The following KIF2A variants were observed in gnomAD, a reference collection of about 807,000 sequenced individuals.
The protein encoded by KIF2A is kinesin-like protein KIF2A.
Under a neutral mutation model 100.2 loss-of-function variants are expected in KIF2A, and 22 were observed. That is an observed-to-expected ratio of 0.22 (90% CI 0.16 to 0.31). The LOEUF (loss-of-function observed/expected upper bound fraction) is 0.31, where lower values mean the gene tolerates loss of function less well. Among genes scored for constraint, KIF2A ranks in the 10% least tolerant of loss-of-function variants. KIF2A has a pLI of 1.00. For synonymous variants in KIF2A, 268 were observed against 285.9 expected (o/e 0.94, Z 0.63); for missense variants, 495 against 898.7 (o/e 0.55, Z 5.74).
chr5:62,345,651 G>C (rs1210900885), intron 1 of KIF2A, among the ~76,000 whole-genome samples: 1 of 151,954 alleles, frequency 6.6e-6, no homozygotes, highest in Non-Finnish European at 1.5e-5. Flanking sequence ...TAAAATAAAA[G>C]GCAGTGATAG....
chr5:62,318,188 T>C (rs1411829169), intron 1 of KIF2A, among the ~76,000 whole-genome samples: 1 of 152,118 alleles, frequency 6.6e-6, no homozygotes, highest in African/African-American at 2.4e-5. Flanking sequence ...GTTCAAGCGA[T>C]TCCCCTGCCT....
At chr5:62,311,839 C>G (rs1490550377) in intron 1 of KIF2A, 1 of 152,112 alleles carries the variant, frequency 6.6e-6, no homozygotes, top group Non-Finnish European at 1.5e-5. Context: ...CCAAGTGCTT[C>G]AAGACATGTT....
At chr5:62,355,343 G>T in intron 7 of KIF2A, 89 bp downstream of exon 7, 2 of 675,990 alleles carry the variant, frequency 3.0e-6, no homozygotes, top group Admixed American at 2.6e-5. Context: ...ATTGTGTTCA[G>T]CTATGTAGTT....
intron 20 of KIF2A, among the ~76,000 whole-genome samples, 187 bp from the exon 21 acceptor site, chr5:62,385,297 A>C (rs915226106): frequency 2.0e-5 from 3 of 152,240 alleles, no homozygotes; most frequent in Non-Finnish European, 4.4e-5. Context: ...GGAAATCTGT[A>C]ACAAAAAACT....
At chr5:62,343,631 A>G (rs1027961020) in intron 1 of KIF2A, among the ~76,000 whole-genome samples, 4 of 152,336 alleles carry the variant, frequency 2.6e-5, no homozygotes, top group East Asian at 3.9e-4. Flanking sequence ...ACTTTTTACC[A>G]GGAACATTTT....
Position 62,366,396 on chromosome 5 carries a change from ATT to A in KIF2A, c.1579-9_1579-8del, listed in dbSNP as rs148411444. 25 of 1,383,162 alleles carry A rather than the reference ATT, an allele frequency of 1.8e-5. No homozygotes were observed. Among genetic ancestry groups the A allele is most frequent in the African/African-American group, 2.9e-5 (2 of 68,794 alleles). 85.7% of individuals were successfully genotyped at this position (1,383,162 alleles called of 1,614,324 possible). ...TTTATAACATTTTGTTTACCTTTGC[ATT>A]TTTTTTTTCCTGTAGATTGCCACAA... On this transcript the variant is annotated splice_polypyrimidine_tract_variant and intron_variant, in intron 15 of 20. Transcript: ENST00000407818.
At position 62,313,589 on chromosome 5, in the gene KIF2A, G is replaced by A. The variant is rs188659381; in HGVS notation, c.64+7053G>A. Among the ~76,000 whole-genome samples, 773 of 151,968 alleles carry A rather than the reference G, an allele frequency of 5.1e-3. 3 individuals carry two copies. Among genetic ancestry groups the A allele is most frequent in the South Asian group, 0.021 (99 of 4,796 alleles). On this transcript the variant is annotated intron_variant, in intron 1 of 20. Transcript: ENST00000407818. ...AGGCTGGTCTTGAACTCCTGAGCTC[G>A]TGGTCCACCCACCTCAGCCTCCCAA...
intron 1 of KIF2A, among the ~76,000 whole-genome samples, chr5:62,324,958 A>G (rs1481104040): frequency 6.6e-6 from 1 of 152,180 alleles, no homozygotes; most frequent in African/African-American, 2.4e-5. Context: ...CATATGACAA[A>G]GGTCTCATTT....
chr5:62,329,655 G>A (rs1746540291), intron 1 of KIF2A, among the ~76,000 whole-genome samples: 1 of 152,200 alleles, frequency 6.6e-6, no homozygotes, highest in Non-Finnish European at 1.5e-5. Flanking sequence ...ATATTACTGT[G>A]TAGTTAACTT....
intron 1 of KIF2A, 80 bp from the exon 2 acceptor site, chr5:62,347,050 G>T: frequency 1.4e-6 from 1 of 736,120 alleles, no homozygotes; most frequent in South Asian, 1.8e-5. Flanking sequence ...TAATTTCCAA[G>T]TTATAAAATT....
chr5:62,389,652 A>G lies in KIF2A; in HGVS notation c.*4083A>G, dbSNP rs1024028506. ...ATCCCAGGCCTAAGAACTCACTGGC[A>G]TTTGTTTCAAGGTAACTGAACAAGA... On this transcript the variant is annotated 3_prime_UTR_variant, in exon 21 of 21. Coordinates refer to ENST00000407818, the MANE Select transcript of KIF2A (RefSeq NM_001098511.3). Among the ~76,000 whole-genome samples the G allele has an allele frequency of 6.6e-6, 1 of 152,162 alleles. No homozygotes were observed. Among genetic ancestry groups the G allele is most frequent in the African/African-American group, 2.4e-5 (1 of 41,414 alleles).
At position 62,347,123 on chromosome 5, in the gene KIF2A, C is replaced by T. The variant is rs1260228934; in HGVS notation, c.65-7C>T. On this transcript the variant is annotated splice_region_variant and splice_polypyrimidine_tract_variant and intron_variant, in intron 1 of 20. Coordinates refer to ENST00000407818, the MANE Select transcript of KIF2A (RefSeq NM_001098511.3). The stretch of plus-strand genomic sequence containing the variant: ...ATTTTTAAGGTGTATACTTTATTCC[C>T]ACATAGGCCGAATACATCAAGCAAT... 2 of 1,559,546 alleles carry T rather than the reference C, an allele frequency of 1.3e-6. No individual in the cohort carries two copies. The highest frequency in any genetic ancestry group is 1.8e-6 in the Non-Finnish European group (2 of 1,135,584).
intron 1 of KIF2A, among the ~76,000 whole-genome samples, chr5:62,338,331 C>G (rs1200147469): frequency 6.6e-6 from 1 of 152,212 alleles, no homozygotes; most frequent in Non-Finnish European, 1.5e-5. Context: ...CTGTGTCACC[C>G]AGACTCGAGT....
chr5:62,385,004 G>A (rs1324886272), intron 20 of KIF2A, among the ~76,000 whole-genome samples: 2 of 151,958 alleles, frequency 1.3e-5, no homozygotes, highest in East Asian at 1.9e-4. Flanking sequence ...TTAGCTGAGC[G>A]GGTGGTGCAC....
intron 17 of KIF2A, among the ~76,000 whole-genome samples, 198 bp downstream of exon 17, chr5:62,372,749 A>G (rs1741378988): frequency 6.6e-6 from 1 of 152,208 alleles, no homozygotes; most frequent in African/African-American, 2.4e-5. Context: ...ATGTTGATTT[A>G]GAATTCAGGC....
At chr5:62,350,997 C>T (rs930094342) in intron 4 of KIF2A, among the ~76,000 whole-genome samples, 5 of 151,788 alleles carry the variant, frequency 3.3e-5, no homozygotes, top group African/African-American at 9.7e-5. Flanking sequence ...TTTGAGAGGC[C>T]GAGGCGGGCA....
chr5:62,324,168 G>A (rs1291515954), intron 1 of KIF2A, among the ~76,000 whole-genome samples: 1 of 152,102 alleles, frequency 6.6e-6, no homozygotes, highest in Admixed American at 6.6e-5. Flanking sequence ...GGAAGCGAAA[G>A]AGCTCTACAG....
chr5:62,311,050 T>A (rs1336850995), intron 1 of KIF2A, among the ~76,000 whole-genome samples: 1 of 152,262 alleles, frequency 6.6e-6, no homozygotes, highest in South Asian at 2.1e-4. Flanking sequence ...CTGAAGAGAA[T>A]CTTAGAATAT....
At chr5:62,375,896 G>A (rs900173532) in intron 18 of KIF2A, among the ~76,000 whole-genome samples, 54 of 152,294 alleles carry the variant, frequency 3.5e-4, no homozygotes, top group African/African-American at 1.3e-3. Context: ...TTCCAAGACT[G>A]GAAAAACCTG....
Sources: allele counts gnomAD v4.1 joint callset (sites outside exome capture counted in the v4.1 genomes callset), GRCh38; gene constraint gnomAD v4.1.1; transcripts MANE v1.5; gene names NCBI Gene and HGNC (gene_info 2026-07-23, HGNC 2026-07-21).